The following PPARGC1A variants were observed in gnomAD, a reference collection of about 807,000 sequenced individuals.
PPARGC1A encodes peroxisome proliferator-activated receptor gamma coactivator 1-alpha.
A neutral mutation model predicts 88.7 loss-of-function variants in PPARGC1A; 25 were observed. The observed-to-expected ratio is 0.28, with a 90% CI of 0.21 to 0.39. The LOEUF is 0.39. Among genes scored for constraint, PPARGC1A ranks in the 10% least tolerant of loss-of-function variants. The pLI, the probability that PPARGC1A is intolerant of heterozygous loss-of-function variation, is 1.00. For synonymous variants in PPARGC1A, 363 were observed against 355.6 expected (o/e 1.02, Z -0.24); for missense variants, 880 against 968.7 (o/e 0.91, Z 1.22).
the PPARGC1A span, among the ~76,000 whole-genome samples, chr4:24,324,722 C>G: frequency 6.6e-6 from 1 of 152,174 alleles, no homozygotes; most frequent in Non-Finnish European, 1.5e-5. Context: ...GTCTGAGGTT[C>G]CTGACGTCCA....
intron 12 of PPARGC1A, among the ~76,000 whole-genome samples, chr4:23,800,048 G>C (rs901957458): frequency 1.3e-5 from 2 of 152,124 alleles, no homozygotes; most frequent in Non-Finnish European, 2.9e-5. Flanking sequence ...AGCTTGTGGA[G>C]TGAATTATAG....
chr4:24,000,512 GCTT>G, the PPARGC1A span, among the ~76,000 whole-genome samples: 1 of 15,770 alleles, frequency 6.3e-5, no homozygotes, highest in South Asian at 2.2e-3. Context: ...TGCAGCAGGT[GCTT>G]TTTTTTAATG....
chr4:23,914,717 G>A, the PPARGC1A span, among the ~76,000 whole-genome samples: 12 of 151,862 alleles, frequency 7.9e-5, no homozygotes, highest in Admixed American at 7.2e-4. Flanking sequence ...CCATGCCAAC[G>A]GCAGTCAGTG....
At chr4:23,977,165 T>G in the PPARGC1A span, among the ~76,000 whole-genome samples, 11 of 152,122 alleles carry the variant, frequency 7.2e-5, no homozygotes, top group Non-Finnish European at 1.3e-4. Context: ...ACCACAATAT[T>G]GTAAATAGTT....
the PPARGC1A span, among the ~76,000 whole-genome samples, chr4:24,214,763 A>G: frequency 6.6e-6 from 1 of 152,164 alleles, no homozygotes; most frequent in Non-Finnish European, 1.5e-5. Flanking sequence ...TGGAACGCTA[A>G]TCCTTAATTC....
At chr4:24,153,613 T>C in the PPARGC1A span, among the ~76,000 whole-genome samples, 1 of 152,218 alleles carries the variant, frequency 6.6e-6, no homozygotes, top group African/African-American at 2.4e-5. Flanking sequence ...TTTATTAACA[T>C]GCCAATCAGT....
intron 2 of PPARGC1A, among the ~76,000 whole-genome samples, chr4:23,873,645 A>C (rs1431297148): frequency 6.6e-6 from 1 of 152,110 alleles, no homozygotes; most frequent in Non-Finnish European, 1.5e-5. Flanking sequence ...ATCTCAACTA[A>C]GTTTGAATAA....
chr4:24,061,457 TCCTA>T, the PPARGC1A span, among the ~76,000 whole-genome samples: 2 of 152,320 alleles, frequency 1.3e-5, no homozygotes, highest in East Asian at 3.9e-4. Flanking sequence ...TCCTTTGGGC[TCCTA>T]CCAACCACCA....
chr4:23,852,161 T>C (rs977500410), intron 2 of PPARGC1A, among the ~76,000 whole-genome samples: 1 of 152,196 alleles, frequency 6.6e-6, no homozygotes, highest in Non-Finnish European at 1.5e-5. Context: ...AAATGTAGAA[T>C]TATTTCATTC....
chr4:24,383,658 G>A, the PPARGC1A span, among the ~76,000 whole-genome samples: 9 of 152,156 alleles, frequency 5.9e-5, no homozygotes, highest in African/African-American at 2.2e-4. Context: ...GAAATAAAGT[G>A]TGAAGACAAG....
At chr4:24,078,095 T>C in the PPARGC1A span, among the ~76,000 whole-genome samples, 1 of 112,756 alleles carries the variant, frequency 8.9e-6, no homozygotes, top group Admixed American at 9.5e-5. Flanking sequence ...ACTGCCTCAG[T>C]TTCCTCAAAT....
At chr4:23,975,660 C>T in the PPARGC1A span, among the ~76,000 whole-genome samples, 1 of 152,138 alleles carries the variant, frequency 6.6e-6, no homozygotes, top group Non-Finnish European at 1.5e-5. Context: ...TCAAGTGATC[C>T]ACCCACCTCA....
chr4:24,327,740 A>AT, the PPARGC1A span, among the ~76,000 whole-genome samples: 5 of 151,858 alleles, frequency 3.3e-5, no homozygotes, highest in Admixed American at 6.6e-5. Context: ...GTCTCTCTCC[A>AT]TACCACCCCC....
chr4:23,877,537 C>CAAAAAA (rs11354781), intron 2 of PPARGC1A, among the ~76,000 whole-genome samples: 2 of 49,866 alleles, frequency 4.0e-5, no homozygotes, highest in Admixed American at 3.7e-4. Flanking sequence ...GACTCCATCT[C>CAAAAAA]AAAAAAAAAA....
At chr4:23,869,595 C>T (rs1712829869) in intron 2 of PPARGC1A, among the ~76,000 whole-genome samples, 1 of 135,902 alleles carries the variant, frequency 7.4e-6, no homozygotes, top group Non-Finnish European at 1.5e-5. Context: ...AGGCAAGTAG[C>T]AGATCTTAAT....
intron 12 of PPARGC1A, among the ~76,000 whole-genome samples, chr4:23,801,241 C>A (rs184122901): frequency 1.2e-4 from 18 of 151,774 alleles, no homozygotes; most frequent in Admixed American, 5.9e-4. Flanking sequence ...TAGACACATA[C>A]AATACCTGCA....
chr4:24,374,437 G>C, the PPARGC1A span, among the ~76,000 whole-genome samples: 1 of 152,046 alleles, frequency 6.6e-6, no homozygotes, highest in Non-Finnish European at 1.5e-5. Flanking sequence ...GAGGATCAGG[G>C]AAAGCAACTA....
At chr4:24,375,602 G>T in the PPARGC1A span, among the ~76,000 whole-genome samples, 1 of 152,068 alleles carries the variant, frequency 6.6e-6, no homozygotes, top group African/African-American at 2.4e-5. Flanking sequence ...GTACAAGCTG[G>T]GGATACGGTA....
the PPARGC1A span, among the ~76,000 whole-genome samples, chr4:24,020,289 A>G: frequency 6.6e-6 from 1 of 152,152 alleles, no homozygotes; most frequent in Non-Finnish European, 1.5e-5. Flanking sequence ...TTAAAAATAT[A>G]TTTATTTTTG....
Sources: allele counts gnomAD v4.1 joint callset (sites outside exome capture counted in the v4.1 genomes callset), GRCh38; gene constraint gnomAD v4.1.1; transcripts MANE v1.5; gene names NCBI Gene and HGNC (gene_info 2026-07-23, HGNC 2026-07-21).